OPHN1: variants seen among roughly 807,000 people sequenced by gnomAD.
OPHN1 encodes the protein oligophrenin 1.
Under a neutral mutation model 60.7 loss-of-function variants are expected in OPHN1, and 11 were observed. The observed-to-expected ratio is 0.18, with a 90% confidence interval of 0.11 to 0.30. The LOEUF is 0.30. Ranked by LOEUF, OPHN1 falls within the 10% of genes least tolerant of loss-of-function variation. The probability of loss-of-function intolerance (pLI) is 1.00; values close to 1 mark genes in which losing one functional copy is unlikely to be tolerated. For missense variants in OPHN1, 449 were observed against 611.0 expected, an observed-to-expected ratio of 0.73 and a Z score of 2.80; for synonymous variants, 226 against 222.6, an observed-to-expected ratio of 1.02 and a Z score of -0.14.
At chrX:68,351,912 T>C (rs1314470245) in intron 2 of OPHN1, among the ~76,000 whole-genome samples, 2 of 93,457 alleles carry the variant, frequency 2.1e-5, no homozygotes, top group East Asian at 6.8e-4. Flanking sequence ...AGTCTTGCTC[T>C]GTCGCCCAGG....
At chrX:68,187,558 G>C (rs922120104) in intron 15 of OPHN1, among the ~76,000 whole-genome samples, 40 of 109,948 alleles carry the variant, frequency 3.6e-4, no homozygotes, top group Non-Finnish European at 1.5e-4. Context: ...AGCTCCAGAA[G>C]AATGATTTTA....
At chrX:68,194,305 C>G (rs1460214500) in intron 13 of OPHN1, among the ~76,000 whole-genome samples, 160 bp downstream of exon 13, 1 of 112,208 alleles carries the variant, frequency 8.9e-6, no homozygotes, top group Non-Finnish European at 1.9e-5. Context: ...AGTTCAATTA[C>G]CAGACACATT....
At chrX:68,105,922 T>G (rs1484305200) in intron 18 of OPHN1, among the ~76,000 whole-genome samples, 1 of 110,614 alleles carries the variant, frequency 9.0e-6, no homozygotes, top group East Asian at 2.8e-4. Context: ...AGGCCACTTT[T>G]GGGTCAAATG....
At chrX:68,399,705 AT>A (rs2078703396) in intron 2 of OPHN1, among the ~76,000 whole-genome samples, 2 of 110,412 alleles carry the variant, frequency 1.8e-5, no homozygotes, top group Non-Finnish European at 3.8e-5. Flanking sequence ...AAATAAATAA[AT>A]AAAACCCTCT....
chrX:68,145,493 G>A (rs1244046729), intron 15 of OPHN1, among the ~76,000 whole-genome samples: 4 of 111,805 alleles, frequency 3.6e-5, no homozygotes, highest in Non-Finnish European at 5.7e-5. Context: ...GCATACTAAT[G>A]TTTTTTATTC....
At chrX:68,049,399 G>T (rs1490295006) in intron 23 of OPHN1, among the ~76,000 whole-genome samples, 1 of 111,449 alleles carries the variant, frequency 9.0e-6, no homozygotes, top group Non-Finnish European at 1.9e-5. Flanking sequence ...CTACTTAAGT[G>T]CCCAAGTTAG....
chrX:68,333,457 G>A (rs2147679554), intron 2 of OPHN1, among the ~76,000 whole-genome samples: 1 of 110,108 alleles, frequency 9.1e-6, no homozygotes, highest in African/African-American at 3.3e-5. Context: ...ACAACATGGC[G>A]AAAACCCGTC....
intron 2 of OPHN1, among the ~76,000 whole-genome samples, chrX:68,317,506 G>GAAA (rs2078210640): frequency 1.9e-5 from 1 of 53,339 alleles, no homozygotes; most frequent in African/African-American, 1.1e-4. Flanking sequence ...AGAGAGGGAG[G>GAAA]GAAAGAGAGA....
intron 2 of OPHN1, among the ~76,000 whole-genome samples, chrX:68,416,112 C>T (rs1053543774): frequency 3.3e-5 from 3 of 91,959 alleles, no homozygotes; most frequent in African/African-American, 8.8e-5. Flanking sequence ...AGAGAGAGAG[C>T]GCTCACTGAA....
At position 68,368,542 on chromosome X, in the gene OPHN1, C is replaced by CA. The variant is rs201903885; in HGVS notation, c.154+64324dup. On this transcript the variant is annotated intron_variant, in intron 2 of 24. Coordinates refer to ENST00000355520, the MANE Select transcript of OPHN1 (RefSeq NM_002547.3). The stretch of plus-strand genomic sequence containing the variant: ...GGCAACACAGTGAGAACCCCCATCT[C>CA]AAAAAAAAACGCAACCATGTATATG... Among the ~76,000 whole-genome samples the CA allele has an allele frequency of 6.3e-4, 67 of 105,936 alleles. No individual in the cohort carries two copies. The East Asian group carries it at 0.016, about 25-fold the overall frequency. 92.0% of individuals were successfully genotyped at this position (105,936 alleles called of 115,157 possible).
At chrX:68,261,396 A>G (rs1435643137) in intron 5 of OPHN1, among the ~76,000 whole-genome samples, 1 of 111,849 alleles carries the variant, frequency 8.9e-6, no homozygotes, top group Non-Finnish European at 1.9e-5. Context: ...CTAGCATTCT[A>G]CACTGCGGGA....
At chrX:68,225,376 G>C (rs1022910259) in intron 6 of OPHN1, among the ~76,000 whole-genome samples, 1 of 111,647 alleles carries the variant, frequency 9.0e-6, no homozygotes, top group Non-Finnish European at 1.9e-5. Flanking sequence ...GAGAGTAGTG[G>C]TTCTCCCAGC....
intron 2 of OPHN1, among the ~76,000 whole-genome samples, chrX:68,359,612 T>C (rs748491604): frequency 9.1e-6 from 1 of 110,085 alleles, no homozygotes; most frequent in East Asian, 2.9e-4. Context: ...ATCCCAGCAC[T>C]TTGGGAGATC....
At chrX:68,144,045 T>C (rs1488337152) in intron 15 of OPHN1, among the ~76,000 whole-genome samples, 2 of 111,213 alleles carry the variant, frequency 1.8e-5, no homozygotes, top group Admixed American at 9.6e-5. Context: ...GGTCTCATTC[T>C]GTCAACCAGT....
At chrX:68,141,951 A>C (rs1431069392) in intron 15 of OPHN1, among the ~76,000 whole-genome samples, 1 of 94,571 alleles carries the variant, frequency 1.1e-5, no homozygotes, top group African/African-American at 4.0e-5. Flanking sequence ...AAAGAAAGAA[A>C]GAAAGAAAGA....
chrX:68,172,019 C>T (rs760407949), intron 15 of OPHN1, among the ~76,000 whole-genome samples: 33 of 110,707 alleles, frequency 3.0e-4, no homozygotes, highest in Non-Finnish European at 5.1e-4. Context: ...GCATTACTGG[C>T]AGGAATGTAA....
intron 15 of OPHN1, among the ~76,000 whole-genome samples, chrX:68,151,088 C>T (rs765219963): frequency 3.3e-4 from 37 of 111,584 alleles, no homozygotes; most frequent in Non-Finnish European, 6.2e-4. Flanking sequence ...GTAAACAGCA[C>T]ACAGTGTAAC....
chrX:68,230,404 C>A lies in OPHN1; in HGVS notation c.486+4083G>T, dbSNP rs191722537. On this transcript the variant is annotated intron_variant, in intron 6 of 24. Transcript: ENST00000355520. ...AGAAATACTATTTGACCCAGCCATC[C>A]CATTACTGGGTATATATCCAAAGGA... Among the ~76,000 whole-genome samples, 56 of 111,128 alleles carry A rather than the reference C, an allele frequency of 5.0e-4. 1 individual carries two copies. The East Asian group carries it at 7.8e-3, about 15-fold the overall frequency.
At chrX:68,097,546 A>C (rs1446600703) in intron 18 of OPHN1, among the ~76,000 whole-genome samples, 1 of 111,333 alleles carries the variant, frequency 9.0e-6, no homozygotes, top group Non-Finnish European at 1.9e-5. Flanking sequence ...GAAAAAACAT[A>C]GGCCCAAAGA....
Sources: gnomAD v4.1 joint callset for allele counts (sites outside exome capture counted in the v4.1 genomes callset) on GRCh38, gnomAD v4.1.1 for gene constraint, MANE v1.5 for transcripts, NCBI Gene and HGNC (gene_info 2026-07-23, HGNC 2026-07-21) for gene names.